CRCP: variants seen among roughly 807,000 people sequenced by gnomAD.
CRCP encodes CGRP receptor component.
Under a neutral mutation model 18.5 loss-of-function variants are expected in CRCP, and 18 were observed. The ratio of observed to expected loss-of-function variants is 0.97; its 90% CI spans 0.67 to 1.44. The LOEUF (loss-of-function observed/expected upper bound fraction) is 1.44. Among genes scored for constraint, CRCP ranks in the 40% most tolerant of loss-of-function variants. CRCP has a pLI of 0.00. For synonymous variants in CRCP, 53 were observed against 62.9 expected (o/e 0.84, Z 0.75); for missense variants, 130 against 176.4 (o/e 0.74, Z 1.49).
At chr7:66,149,809 C>CT (rs1008644104) in intron 5 of CRCP, among the ~76,000 whole-genome samples, 1 of 151,854 alleles carries the variant, frequency 6.6e-6, no homozygotes, top group South Asian at 2.1e-4. Context: ...TCACCCCCAC[C>CT]TTTTTTTTCC....
At chr7:66,125,931 T>C (rs1787606253) in intron 1 of CRCP, among the ~76,000 whole-genome samples, 1 of 149,348 alleles carries the variant, frequency 6.7e-6, no homozygotes, top group South Asian at 2.2e-4. Context: ...AGGAAGCCAG[T>C]GGGCAGATTT....
intron 4 of CRCP, among the ~76,000 whole-genome samples, 179 bp from the exon 5 acceptor site, chr7:66,145,264 G>C (rs1380229485): frequency 6.6e-6 from 1 of 152,184 alleles, no homozygotes; most frequent in Non-Finnish European, 1.5e-5. Flanking sequence ...ACCGTGGGCT[G>C]GGAGTCACTC....
intron 1 of CRCP, chr7:66,120,429 A>G (rs1242721295): frequency 1.3e-5 from 2 of 152,074 alleles, no homozygotes; most frequent in Non-Finnish European, 2.9e-5. Flanking sequence ...ACTTCCTGTA[A>G]CCAATCAAGA....
At chr7:66,122,012 T>C (rs1787456663) in intron 1 of CRCP, among the ~76,000 whole-genome samples, 2 of 152,256 alleles carry the variant, frequency 1.3e-5, no homozygotes, top group South Asian at 4.1e-4. Context: ...ATAGCATAGG[T>C]TGGGCATAGG....
Position 66,152,601 on chromosome 7 carries a change from C to T in CRCP, c.*244C>T. 1 of 487,376 alleles carries T rather than the reference C, an allele frequency of 2.1e-6. No individual in the cohort carries two copies. Among genetic ancestry groups the T allele is most frequent in the Non-Finnish European group, 3.7e-6 (1 of 269,220 alleles). 30.2% of individuals were successfully genotyped at this position (487,376 alleles called of 1,614,324 possible). On this transcript the variant is annotated 3_prime_UTR_variant, in exon 6 of 6. Coordinates refer to ENST00000395326, the MANE Select transcript of CRCP (RefSeq NM_014478.5). ...GAAGGTGGGGACAGTGACCGCGGAC[C>T]CCTCTGTGCTTGAAAGATTTCCTCC...
chr7:66,146,364 C>T (rs1983372), intron 5 of CRCP, among the ~76,000 whole-genome samples: 95,718 of 151,734 alleles, frequency 0.63, 30,508 homozygotes, highest in African/African-American at 0.69. Context: ...CCACTGGGCA[C>T]GCTGTGGCCG....
intron 5 of CRCP, among the ~76,000 whole-genome samples, chr7:66,146,097 G>C (rs556220803): frequency 6.6e-6 from 1 of 152,250 alleles, no homozygotes; most frequent in East Asian, 1.9e-4. Context: ...TCTTCACGCG[G>C]CTCTTGCGGT....
chr7:66,118,212 G>A (rs1787330979), intron 1 of CRCP, among the ~76,000 whole-genome samples: 1 of 152,190 alleles, frequency 6.6e-6, no homozygotes, highest in South Asian at 2.1e-4. Context: ...CTGACCTCAG[G>A]TGATTTGCCT....
intron 5 of CRCP, among the ~76,000 whole-genome samples, chr7:66,149,483 G>C (rs1275349992): frequency 6.6e-6 from 1 of 152,146 alleles, no homozygotes; most frequent in Non-Finnish European, 1.5e-5. Flanking sequence ...TGCGCCCAAA[G>C]AATAAAGCAG....
chr7:66,127,625 A>G, intron 1 of CRCP, 79 bp from the exon 2 acceptor site: 1 of 1,508,856 alleles, frequency 6.6e-7, no homozygotes, highest in Non-Finnish European at 9.2e-7. Context: ...CTGTATCTTG[A>G]CAGGAATTCT....
chr7:66,146,767 A>G (rs935395908), intron 5 of CRCP, among the ~76,000 whole-genome samples: 3 of 152,068 alleles, frequency 2.0e-5, no homozygotes, highest in Admixed American at 2.0e-4. Flanking sequence ...CTAAATAGAA[A>G]CCCCTTTCTC....
intron 1 of CRCP, chr7:66,120,470 A>T (rs1584058221): frequency 6.6e-6 from 1 of 152,072 alleles, no homozygotes; most frequent in Admixed American, 6.6e-5. Context: ...TGGGAAAATG[A>T]GGTTTCCTGA....
intron 1 of CRCP, among the ~76,000 whole-genome samples, chr7:66,126,325 A>G (rs1787617316): frequency 6.9e-6 from 1 of 144,374 alleles, no homozygotes; most frequent in Non-Finnish European, 1.5e-5. Flanking sequence ...ATCTCGCCAC[A>G]CTCCTGGTTT....
intron 4 of CRCP, among the ~76,000 whole-genome samples, chr7:66,138,302 G>T (rs1425198545): frequency 2.6e-5 from 4 of 152,164 alleles, no homozygotes; most frequent in African/African-American, 9.7e-5. Context: ...ACTTTGGGAG[G>T]CTGAGGCGGG....
intron 4 of CRCP, among the ~76,000 whole-genome samples, chr7:66,138,421 C>T (rs1361847190): frequency 3.3e-5 from 5 of 151,978 alleles, no homozygotes; most frequent in African/African-American, 1.2e-4. Flanking sequence ...TCCGCTATCA[C>T]TCTAACCCTA....
At chr7:66,130,032 C>G (rs191604288) in intron 2 of CRCP, 2 of 283,786 alleles carry the variant, frequency 7.0e-6, no homozygotes, top group Non-Finnish European at 1.3e-5. Flanking sequence ...TATCACTTGC[C>G]TCAAAATTTT....
At chr7:66,120,051 G>A (rs1203464250) in intron 1 of CRCP, among the ~76,000 whole-genome samples, 5 of 151,932 alleles carry the variant, frequency 3.3e-5, no homozygotes, top group South Asian at 2.1e-4. Flanking sequence ...GCGCTGTGGC[G>A]GGCGCCCGTA....
intron 4 of CRCP, among the ~76,000 whole-genome samples, chr7:66,143,058 G>C (rs1351481148): frequency 6.6e-6 from 1 of 151,984 alleles, no homozygotes; most frequent in Non-Finnish European, 1.5e-5. Flanking sequence ...ACCTAACCTT[G>C]ACTCTATCTG....
In CRCP at chr7:66,114,932, C is replaced by A. The variant is rs1787207672; in HGVS notation, c.-31C>A. The A allele has an allele frequency of 1.2e-6, 2 of 1,611,884 alleles. No homozygotes were observed. The highest frequency in any genetic ancestry group is 4.5e-5 in the East Asian group (2 of 44,782). ...TGTGAAGTGTGAGGTTCTTTGTCTGCTGGCAGCTAGGGGCGACGAGGCGGG... is the reference window on the plus strand; with the variant it reads ...TGTGAAGTGTGAGGTTCTTTGTCTGATGGCAGCTAGGGGCGACGAGGCGGG... On this transcript the variant is annotated 5_prime_UTR_variant, in exon 1 of 6. In the 5' UTR this introduces an upstream ATG that the reference lacks. Coordinates refer to ENST00000395326, the MANE Select transcript of CRCP (RefSeq NM_014478.5).
Sources: gnomAD v4.1 joint callset for allele counts (sites outside exome capture counted in the v4.1 genomes callset) on GRCh38, gnomAD v4.1.1 for gene constraint, MANE v1.5 for transcripts, NCBI Gene and HGNC (gene_info 2026-07-23, HGNC 2026-07-21) for gene names.